Variants in RREB1 observed in about 807,000 individuals in gnomAD.
The protein encoded by RREB1 is ras responsive element binding protein 1, also known as ras-responsive element-binding protein 1.
In RREB1, 27 loss-of-function variants were observed where a neutral mutation model predicts 117.8. The observed-to-expected ratio is 0.23, with a 90% confidence interval of 0.17 to 0.32. The LOEUF is 0.32. RREB1 is among the 10% of genes least tolerant of loss of function. RREB1 has a pLI of 1.00. For missense variants in RREB1, 2,577 were observed against 2,378.2 expected, an observed-to-expected ratio of 1.08 and a Z score of -1.74; for synonymous variants, 1,298 against 1,026.7, an observed-to-expected ratio of 1.26 and a Z score of -5.05.
At chr6:7,137,687 G>A (rs959015032) in intron 1 of RREB1, among the ~76,000 whole-genome samples, 5 of 151,614 alleles carry the variant, frequency 3.3e-5, no homozygotes, top group Non-Finnish European at 5.9e-5. Context: ...TTAATTTAAG[G>A]CAGGGAAGCC....
At chr6:7,135,345 T>G (rs1284548650) in intron 1 of RREB1, among the ~76,000 whole-genome samples, 1 of 152,198 alleles carries the variant, frequency 6.6e-6, no homozygotes, top group Non-Finnish European at 1.5e-5. Context: ...TATAAAGGAT[T>G]AGGACCGTAA....
intron 6 of RREB1, among the ~76,000 whole-genome samples, chr6:7,196,231 GTTT>G (rs1179803646): frequency 1.2e-5 from 1 of 83,796 alleles, no homozygotes; most frequent in African/African-American, 4.5e-5. Flanking sequence ...TTTTTTTTTT[GTTT>G]TTTTTTTTTT....
intron 10 of RREB1, 76 bp downstream of exon 10, chr6:7,231,983 G>A (rs575905989): frequency 4.1e-5 from 57 of 1,392,956 alleles, no homozygotes; most frequent in Middle Eastern, 2.0e-4. Flanking sequence ...GGTCAAAAGC[G>A]AGACCCATCT....
chr6:7,144,071 T>C (rs1762753081), intron 1 of RREB1, among the ~76,000 whole-genome samples: 2 of 110,800 alleles, frequency 1.8e-5, no homozygotes, highest in African/African-American at 7.4e-5. Flanking sequence ...TTTGCACACT[T>C]TTTTTTTTAT....
At chr6:7,210,295 C>G (rs1303085196) in intron 6 of RREB1, among the ~76,000 whole-genome samples, 1 of 152,226 alleles carries the variant, frequency 6.6e-6, no homozygotes, top group South Asian at 2.1e-4. Context: ...GCACTCTGGA[C>G]ATTTGCTCTG....
chr6:7,210,687 C>T, intron 6 of RREB1, 117 bp from the exon 7 acceptor site: 1 of 786,774 alleles, frequency 1.3e-6, no homozygotes. Context: ...TAAATTATAC[C>T]TCATATCTCT....
intron 2 of RREB1, among the ~76,000 whole-genome samples, chr6:7,180,190 G>T (rs957044353): frequency 1.2e-4 from 19 of 152,170 alleles, no homozygotes; most frequent in African/African-American, 4.1e-4. Context: ...TATTGACAAG[G>T]AAGGTACATT....
rs34678863 is a variant in RREB1, at chr6:7,251,489, C to CTTTTTTTTTTTTTTTTTTTT, written c.*2524_*2543dup. The CTTTTTTTTTTTTTTTTTTTT allele has an allele frequency of 8.2e-6, 1 of 121,354 alleles. No individual in the cohort carries two copies. The highest frequency in any genetic ancestry group is 3.2e-5 in the African/African-American group (1 of 31,418). 7.5% of individuals were successfully genotyped at this position (121,354 alleles called of 1,614,324 possible). A position where few individuals can be genotyped will look rare whatever the true frequency, so the allele number is the denominator to read the frequency against. On this transcript the variant is annotated 3_prime_UTR_variant, in exon 13 of 13. Transcript: ENST00000379938. ...GTTTTTTGAGGTGCAAGTTTTTTCT[C>CTTTTTTTTTTTTTTTTTTTT]TTTTTTTTTTTTTTTTTTTTTTCTC...
intron 1 of RREB1, among the ~76,000 whole-genome samples, chr6:7,148,388 A>G (rs1762965672): frequency 6.6e-6 from 1 of 152,184 alleles, no homozygotes; most frequent in South Asian, 2.1e-4. Context: ...GGCATGGCGG[A>G]TTCCCATTGG....
chr6:7,202,405 T>C (rs1766037717), intron 6 of RREB1, among the ~76,000 whole-genome samples: 1 of 152,170 alleles, frequency 6.6e-6, no homozygotes, highest in Non-Finnish European at 1.5e-5. Flanking sequence ...CAAGCTGAAG[T>C]GGGAAATGGC....
intron 10 of RREB1, among the ~76,000 whole-genome samples, chr6:7,235,180 G>A (rs1768240304): frequency 6.6e-6 from 1 of 152,180 alleles, no homozygotes; most frequent in Non-Finnish European, 1.5e-5. Flanking sequence ...GCTAAATCAT[G>A]TTATATGGAG....
intron 9 of RREB1, among the ~76,000 whole-genome samples, chr6:7,227,747 C>T (rs1188152171): frequency 6.6e-6 from 1 of 152,162 alleles, no homozygotes; most frequent in Admixed American, 6.5e-5. Flanking sequence ...TATATATTCA[C>T]TGCTAATAAA....
At chr6:7,143,908 G>A (rs1224789080) in intron 1 of RREB1, among the ~76,000 whole-genome samples, 1 of 43,458 alleles carries the variant, frequency 2.3e-5, no homozygotes, top group African/African-American at 9.0e-5. Context: ...CCACCATTTT[G>A]TCCACACTAG....
intron 8 of RREB1, 108 bp from the exon 9 acceptor site, chr6:7,226,359 G>A: frequency 1.3e-6 from 1 of 755,328 alleles, no homozygotes; most frequent in Non-Finnish European, 2.1e-6. Flanking sequence ...TTACTCAATT[G>A]AAATGAATCA....
intron 6 of RREB1, among the ~76,000 whole-genome samples, chr6:7,200,277 TGTGTA>T (rs1171289232): frequency 1.1e-3 from 129 of 118,736 alleles, no homozygotes; most frequent in African/African-American, 3.7e-3. Context: ...TGTGTGTGTG[TGTGTA>T]TTTTTTTTTT....
intron 1 of RREB1, among the ~76,000 whole-genome samples, chr6:7,173,445 A>G (rs1003424250): frequency 2.0e-5 from 3 of 151,820 alleles, no homozygotes; most frequent in African/African-American, 7.3e-5. Flanking sequence ...GTGAGCCAAG[A>G]TCGCGTCACT....
rs765428877 is a variant in RREB1 at position 7,231,187 on chromosome 6, G to C, written c.3088G>C (p.Val1030Leu). The C allele has an allele frequency of 2.5e-6, 4 of 1,611,418 alleles. No individual in the cohort carries two copies. The highest frequency in any genetic ancestry group is 4.5e-5 in the East Asian group (2 of 44,802). ...AGCCCTGGTCAGCAGCCCTCCACTC[G>C]TGGGCAGCTCAGCCCTCCTGAGTGG... The part of the protein sequence containing the change: ...SSALVSSPPL[V>L]GSSALLSGTA... The change falls in exon 10 of 13, where the codon GTG (valine) becomes CTG (leucine). Residue 1030 changes from valine to leucine, a missense_variant. Physicochemically the swap from Val to Leu is conservative, Grantham distance 32 (BLOSUM62 1). Transcript: ENST00000379938.
intron 2 of RREB1, among the ~76,000 whole-genome samples, chr6:7,177,218 CAAAA>C (rs552706086): frequency 3.4e-3 from 120 of 34,928 alleles, no homozygotes; most frequent in East Asian, 9.4e-3. Context: ...GACTGTCTCA[CAAAA>C]AAAAAAAAAA....
rs758514535 is a variant in RREB1 at position 7,246,837 on chromosome 6, C to T, written c.4387C>T (p.Leu1463=). ...CGKSFKFLGT[L]SRHRKAHGRQ... ...GAAGAGCTTCAAGTTCCTGGGCACC[C>T]TGAGCCGCCACCGGAAGGCGCACGG... Residue 1463 remains leucine, a synonymous_variant, in exon 12 of 13, where the codon CTG becomes TTG. Coordinates refer to ENST00000379938, the MANE Select transcript of RREB1 (RefSeq NM_001003699.4). The T allele has an allele frequency of 1.4e-5, 21 of 1,553,316 alleles. No homozygotes were observed. The highest frequency in any genetic ancestry group is 1.7e-5 in the Non-Finnish European group (20 of 1,148,752).
Sources: gnomAD v4.1 joint callset for allele counts (sites outside exome capture counted in the v4.1 genomes callset) on GRCh38, gnomAD v4.1.1 for gene constraint, MANE v1.5 for transcripts, NCBI Gene and HGNC (gene_info 2026-07-23, HGNC 2026-07-21) for gene names.